SUGCT: variants seen among roughly 807,000 people sequenced by gnomAD.
SUGCT encodes succinyl-CoA:glutarate-CoA transferase.
Under a neutral mutation model 55.0 loss-of-function variants are expected in SUGCT, and 41 were observed. That is an observed-to-expected ratio of 0.74 (90% CI 0.58 to 0.97). SUGCT has a LOEUF of 0.97. Ranked by LOEUF, SUGCT falls within the 50% of genes least tolerant of loss-of-function variation. The probability of loss-of-function intolerance (pLI) is 0.00; values close to 1 mark genes in which losing one functional copy is unlikely to be tolerated. For synonymous variants in SUGCT, 187 were observed against 200.4 expected (o/e 0.93, Z 0.56); for missense variants, 568 against 547.8 (o/e 1.04, Z -0.37).
intron 7 of SUGCT, among the ~76,000 whole-genome samples, chr7:40,254,438 C>T (rs1383146792): frequency 6.6e-6 from 1 of 152,042 alleles, no homozygotes. Flanking sequence ...TGTTCTGTCG[C>T]CCAGGCTGGA....
chr7:40,135,589 A>G (rs1235528033), intron 1 of SUGCT, among the ~76,000 whole-genome samples: 1 of 152,272 alleles, frequency 6.6e-6, no homozygotes, highest in South Asian at 2.1e-4. Context: ...ACAGTGTTAT[A>G]GAACTTTCTT....
chr7:40,998,481 C>T, the SUGCT span, among the ~76,000 whole-genome samples: 2 of 152,140 alleles, frequency 1.3e-5, no homozygotes, highest in Non-Finnish European at 2.9e-5. Flanking sequence ...TGTTGTAGTC[C>T]TATGGCACTT....
chr7:40,784,418 G>C (rs183195478), intron 13 of SUGCT, among the ~76,000 whole-genome samples: 2 of 152,238 alleles, frequency 1.3e-5, no homozygotes, highest in Admixed American at 1.3e-4. Flanking sequence ...TCTTCTCATA[G>C]CGACTTATAA....
At chr7:40,903,348 G>A in the SUGCT span, among the ~76,000 whole-genome samples, 5 of 152,190 alleles carry the variant, frequency 3.3e-5, no homozygotes. Flanking sequence ...TCAGCGCCTA[G>A]ACAGAGAATT....
chr7:40,627,089 T>C (rs1291643698), intron 12 of SUGCT, among the ~76,000 whole-genome samples: 1 of 152,174 alleles, frequency 6.6e-6, no homozygotes, highest in Non-Finnish European at 1.5e-5. Flanking sequence ...TTGGTGAAGA[T>C]TGAAAGGCAT....
intron 9 of SUGCT, among the ~76,000 whole-genome samples, chr7:40,382,681 C>G (rs528481058): frequency 6.6e-6 from 1 of 152,150 alleles, no homozygotes; most frequent in Non-Finnish European, 1.5e-5. Context: ...TAGCAAGGAA[C>G]TGACCTAAAA....
chr7:40,199,973 T>C (rs1425873817), intron 6 of SUGCT, among the ~76,000 whole-genome samples: 1 of 152,112 alleles, frequency 6.6e-6, no homozygotes, highest in Non-Finnish European at 1.5e-5. Flanking sequence ...TTCAAGAGAA[T>C]GATTAACCCT....
chr7:40,557,016 G>A (rs961076000), intron 12 of SUGCT, among the ~76,000 whole-genome samples: 1 of 152,158 alleles, frequency 6.6e-6, no homozygotes, highest in Admixed American at 6.5e-5. Context: ...CCATCTTGAA[G>A]TGACCTCAAA....
At chr7:40,641,484 C>T (rs763022932) in intron 12 of SUGCT, among the ~76,000 whole-genome samples, 7 of 152,086 alleles carry the variant, frequency 4.6e-5, no homozygotes, top group Non-Finnish European at 7.4e-5. Context: ...CTCTTGGGTG[C>T]GGTGGGGTTG....
chr7:40,439,062 G>GTATA (rs1491138302), intron 9 of SUGCT, among the ~76,000 whole-genome samples: 3 of 47,032 alleles, frequency 6.4e-5, no homozygotes, highest in East Asian at 9.1e-4. Context: ...TATATATATG[G>GTATA]TGTATATATA....
rs550224145 is a variant in SUGCT at position 40,201,573 on chromosome 7, G to A, written c.484+6513G>A. Among the ~76,000 whole-genome samples, 11 of 152,230 alleles carry A rather than the reference G, an allele frequency of 7.2e-5. No individual in the cohort carries two copies. In the South Asian group the frequency reaches 2.3e-3, roughly 32 times the overall value. On this transcript the variant is annotated intron_variant, in intron 6 of 13. Coordinates refer to ENST00000335693, the MANE Select transcript of SUGCT (RefSeq NM_001193313.2). ...GACAGTGATCTTTAGTGAAAGTGTG[G>A]TTTGACATATTTACCATTTCATATT...
At chr7:40,548,825 G>T (rs1430524994) in intron 12 of SUGCT, among the ~76,000 whole-genome samples, 1 of 152,006 alleles carries the variant, frequency 6.6e-6, no homozygotes, top group Non-Finnish European at 1.5e-5. Context: ...AAACCCGCTG[G>T]CTCTTCCTAT....
In SUGCT at chr7:40,604,192, C is replaced by T. The variant is rs141509499; in HGVS notation, c.1089+107806C>T. Among the ~76,000 whole-genome samples, 35 of 152,204 alleles carry T rather than the reference C, an allele frequency of 2.3e-4. No homozygotes were observed. The East Asian group carries it at 5.8e-3, about 25-fold the overall frequency. The stretch of plus-strand genomic sequence containing the variant: ...ATTTTGTGACATCTTTCTGAGTGTT[C>T]GCCCGAGGCCCTTGCTATCTCCTCC... On this transcript the variant is annotated intron_variant, in intron 12 of 13. Coordinates refer to ENST00000335693, the MANE Select transcript of SUGCT (RefSeq NM_001193313.2).
chr7:41,009,889 A>C, the SUGCT span, among the ~76,000 whole-genome samples: 3 of 152,130 alleles, frequency 2.0e-5, no homozygotes, highest in African/African-American at 7.2e-5. Flanking sequence ...ATCAGTGATC[A>C]CTCTCTTCGA....
chr7:40,800,455 A>AT (rs887048921), intron 13 of SUGCT, among the ~76,000 whole-genome samples: 5 of 151,416 alleles, frequency 3.3e-5, no homozygotes, highest in Admixed American at 2.0e-4. Context: ...CGCCTGGCTA[A>AT]TTTTTTTTGT....
chr7:40,572,067 G>A (rs1329918506), intron 12 of SUGCT, among the ~76,000 whole-genome samples: 2 of 152,126 alleles, frequency 1.3e-5, no homozygotes, highest in Non-Finnish European at 2.9e-5. Context: ...CAGCTGTCCC[G>A]AATGTGGCAT....
At chr7:40,769,417 A>G (rs1788974496) in intron 13 of SUGCT, among the ~76,000 whole-genome samples, 1 of 152,216 alleles carries the variant, frequency 6.6e-6, no homozygotes, top group Non-Finnish European at 1.5e-5. Flanking sequence ...TGCAGATGCG[A>G]TTAATTCAAG....
At chr7:40,723,157 G>T (rs532548331) in intron 12 of SUGCT, among the ~76,000 whole-genome samples, 1 of 152,114 alleles carries the variant, frequency 6.6e-6, no homozygotes, top group South Asian at 2.1e-4. Flanking sequence ...ATGCATTTAT[G>T]TGAGGCTGGA....
the SUGCT span, among the ~76,000 whole-genome samples, chr7:40,953,749 G>A: frequency 7.2e-5 from 11 of 152,336 alleles, no homozygotes; most frequent in South Asian, 6.2e-4. Context: ...TATCAGCAGC[G>A]GAGGCTGCAG....
Sources: allele counts gnomAD v4.1 joint callset (sites outside exome capture counted in the v4.1 genomes callset), GRCh38; gene constraint gnomAD v4.1.1; transcripts MANE v1.5; gene names NCBI Gene and HGNC (gene_info 2026-07-23, HGNC 2026-07-21).